CALN1: variants seen among roughly 807,000 people sequenced by gnomAD.
CALN1 encodes calneuron 1.
CALN1 carries 17 observed loss-of-function variants against 30.6 expected under a neutral mutation model. That is an observed-to-expected ratio of 0.56 (90% CI 0.38 to 0.83). The LOEUF is 0.83. Among genes scored for constraint, CALN1 ranks in the 40% least tolerant of loss-of-function variants. CALN1 has a pLI of 0.00. For missense variants in CALN1, 291 were observed against 354.9 expected (o/e 0.82, Z 1.45); for synonymous variants, 156 against 131.4 (o/e 1.19, Z -1.28).
intron 5 of CALN1, among the ~76,000 whole-genome samples, chr7:72,016,718 A>G (rs550320334): frequency 6.6e-6 from 1 of 151,822 alleles, no homozygotes; most frequent in African/African-American, 2.4e-5. Context: ...TGCCAGGCCT[A>G]AAGTCAGTAA....
At chr7:72,488,322 G>A in the CALN1 span, among the ~76,000 whole-genome samples, 3 of 152,140 alleles carry the variant, frequency 2.0e-5, no homozygotes, top group East Asian at 5.8e-4. Flanking sequence ...AGTGAGCCAT[G>A]ACTGCACCAC....
At chr7:72,157,472 C>T (rs1018373548) in intron 3 of CALN1, among the ~76,000 whole-genome samples, 8 of 151,848 alleles carry the variant, frequency 5.3e-5, no homozygotes, top group African/African-American at 9.7e-5. Context: ...GAGAAAGGTC[C>T]GGAAAGTTTC....
intron 3 of CALN1, among the ~76,000 whole-genome samples, chr7:72,273,501 CTTTTTT>C (rs773609513): frequency 9.8e-6 from 1 of 101,834 alleles, no homozygotes; most frequent in African/African-American, 3.9e-5. Flanking sequence ...AGGCAAGATT[CTTTTTT>C]TTTTTTTTTT....
At chr7:72,319,569 A>C (rs1021515747) in intron 2 of CALN1, among the ~76,000 whole-genome samples, 1 of 152,130 alleles carries the variant, frequency 6.6e-6, no homozygotes, top group Non-Finnish European at 1.5e-5. Flanking sequence ...ACACAATGGA[A>C]TACTACTTAG....
chr7:71,898,010 AG>A (rs1295708591), intron 5 of CALN1, among the ~76,000 whole-genome samples: 28 of 61,194 alleles, frequency 4.6e-4, no homozygotes, highest in South Asian at 2.8e-3. Flanking sequence ...AGAGGGAGGG[AG>A]GGGGGGGGAG....
intron 2 of CALN1, among the ~76,000 whole-genome samples, chr7:72,291,764 C>T (rs1798490593): frequency 6.6e-6 from 1 of 152,108 alleles, no homozygotes; most frequent in Non-Finnish European, 1.5e-5. Context: ...AGGCATGTAC[C>T]ACAATGCCCG....
At chr7:71,858,037 T>C (rs1380735383) in intron 5 of CALN1, among the ~76,000 whole-genome samples, 1 of 152,092 alleles carries the variant, frequency 6.6e-6, no homozygotes, top group Non-Finnish European at 1.5e-5. Context: ...CCTGATATGG[T>C]TTGGCTGTGT....
intron 3 of CALN1, among the ~76,000 whole-genome samples, chr7:72,143,936 A>C (rs1205473738): frequency 1.3e-5 from 2 of 151,552 alleles, no homozygotes; most frequent in South Asian, 4.2e-4. Context: ...GAGAGATTTT[A>C]TCACCACCAG....
At chr7:72,288,668 C>T (rs1798266127) in intron 2 of CALN1, among the ~76,000 whole-genome samples, 1 of 152,094 alleles carries the variant, frequency 6.6e-6, no homozygotes, top group African/African-American at 2.4e-5. Context: ...AATTGGATTT[C>T]CTTCACTGCT....
upstream of CALN1, among the ~76,000 whole-genome samples, chr7:72,413,312 TACAC>T (rs72425225): frequency 0.053 from 7,863 of 149,106 alleles, 409 homozygotes; most frequent in African/African-American, 0.14. Context: ...CACGTATACA[TACAC>T]ACACTAACAT....
At chr7:72,434,101 CA>C (rs1808063524) in intron 1 of CALN1, among the ~76,000 whole-genome samples, 1 of 151,850 alleles carries the variant, frequency 6.6e-6, no homozygotes, top group South Asian at 2.1e-4. Flanking sequence ...TTGCACAAAT[CA>C]CTTCCTGTTT....
chr7:72,175,373 A>G (rs1258166583), intron 3 of CALN1, among the ~76,000 whole-genome samples: 2 of 152,050 alleles, frequency 1.3e-5, no homozygotes, highest in African/African-American at 4.8e-5. Context: ...TCATTTTTTA[A>G]ATAAGAATAA....
At chr7:72,217,169 C>T (rs977679707) in intron 3 of CALN1, among the ~76,000 whole-genome samples, 3 of 152,110 alleles carry the variant, frequency 2.0e-5, no homozygotes, top group African/African-American at 7.2e-5. Flanking sequence ...GGCATTGTCC[C>T]ACACCCAAAC....
chr7:72,232,239 G>C (rs1371611247), intron 3 of CALN1, among the ~76,000 whole-genome samples: 1 of 152,162 alleles, frequency 6.6e-6, no homozygotes, highest in African/African-American at 2.4e-5. Context: ...ACTGCAGTCA[G>C]AACTAAAGAT....
intron 5 of CALN1, among the ~76,000 whole-genome samples, chr7:71,854,837 G>T (rs538512556): frequency 6.6e-6 from 1 of 152,340 alleles, no homozygotes; most frequent in South Asian, 2.1e-4. Flanking sequence ...TATATAATGT[G>T]AAGCCAAGCT....
At chr7:72,231,645 T>C (rs1794107804) in intron 3 of CALN1, among the ~76,000 whole-genome samples, 1 of 152,172 alleles carries the variant, frequency 6.6e-6, no homozygotes, top group Non-Finnish European at 1.5e-5. Flanking sequence ...TTGTTGTTAG[T>C]CTCTCACTGT....
intron 3 of CALN1, among the ~76,000 whole-genome samples, chr7:72,172,074 A>C (rs1789011378): frequency 6.6e-6 from 1 of 152,216 alleles, no homozygotes; most frequent in South Asian, 2.1e-4. Flanking sequence ...TGTCACAAAC[A>C]GGCTCATCAA....
At chr7:72,337,513 C>T (rs1417711538) in intron 2 of CALN1, 3 of 156,020 alleles carry the variant, frequency 1.9e-5, no homozygotes, top group Non-Finnish European at 4.2e-5. Flanking sequence ...GGTGCTCCTT[C>T]CTTCCCTTCC....
At chr7:72,149,780 G>T (rs1313016341) in intron 3 of CALN1, among the ~76,000 whole-genome samples, 2 of 151,938 alleles carry the variant, frequency 1.3e-5, no homozygotes, top group Non-Finnish European at 2.9e-5. Context: ...CTTGCACATG[G>T]GCAGAAAGGA....
Sources: gnomAD v4.1 joint callset for allele counts (sites outside exome capture counted in the v4.1 genomes callset) on GRCh38, gnomAD v4.1.1 for gene constraint, MANE v1.5 for transcripts, NCBI Gene and HGNC (gene_info 2026-07-23, HGNC 2026-07-21) for gene names.